RBMS3: variants seen among roughly 807,000 people sequenced by gnomAD.
RBMS3 encodes the protein RNA-binding motif, single-stranded-interacting protein 3.
In RBMS3, 27 loss-of-function variants were observed where a neutral mutation model predicts 66.8. The observed-to-expected ratio is 0.40, with a 90% CI of 0.30 to 0.56. RBMS3 has a LOEUF of 0.56. RBMS3 is among the 20% of genes least tolerant of loss of function. The pLI, the probability that RBMS3 is intolerant of heterozygous loss-of-function variation, is 0.40. For missense variants in RBMS3, 513 were observed against 549.5 expected, an observed-to-expected ratio of 0.93 and a Z score of 0.66; for synonymous variants, 188 against 183.0, an observed-to-expected ratio of 1.03 and a Z score of -0.22.
intron 4 of RBMS3, among the ~76,000 whole-genome samples, chr3:29,592,268 A>C (rs941063827): frequency 2.0e-5 from 3 of 152,118 alleles, no homozygotes; most frequent in African/African-American, 7.2e-5. Context: ...ATATTCCAGT[A>C]GAAGACTTTT....
intron 1 of RBMS3, among the ~76,000 whole-genome samples, chr3:29,427,685 C>T (rs1297708813): frequency 2.0e-5 from 3 of 152,096 alleles, no homozygotes; most frequent in Non-Finnish European, 2.9e-5. Flanking sequence ...CAGGGCTTTA[C>T]CCTTGAGTGG....
intron 3 of RBMS3, among the ~76,000 whole-genome samples, chr3:29,556,127 T>TAA (rs34965385): frequency 9.3e-4 from 140 of 151,278 alleles, no homozygotes; most frequent in Admixed American, 1.4e-3. Flanking sequence ...CAATAAAGTT[T>TAA]AAAAAAAAAG....
chr3:29,376,693 G>C (rs1000239051), intron 1 of RBMS3, among the ~76,000 whole-genome samples: 1 of 152,162 alleles, frequency 6.6e-6, no homozygotes, highest in Non-Finnish European at 1.5e-5. Context: ...GGATCACGAG[G>C]TCAGGAGATG....
chr3:29,946,397 T>C lies in RBMS3; in HGVS notation c.1098+2143T>C, dbSNP rs573141468. 8.6e-5 allele frequency among the ~76,000 whole-genome samples: 13 copies of C among 151,788 alleles called. No homozygotes were observed. In the South Asian group the frequency reaches 2.7e-3, roughly 32 times the overall value. ...ATTGATTGTAGTCGAGATATCTGCTTGACAATTTACAGATACATAACTTAA... is the reference window on the plus strand; with the variant it reads ...ATTGATTGTAGTCGAGATATCTGCTCGACAATTTACAGATACATAACTTAA... On this transcript the variant is annotated intron_variant, in intron 12 of 14. Coordinates refer to ENST00000383767, the MANE Select transcript of RBMS3 (RefSeq NM_001003793.3).
intron 2 of RBMS3, among the ~76,000 whole-genome samples, chr3:29,475,450 G>A (rs2042911241): frequency 6.6e-6 from 1 of 151,968 alleles, no homozygotes; most frequent in South Asian, 2.1e-4. Flanking sequence ...GGGTTTTACT[G>A]TGTTGCTCAG....
chr3:29,651,923 C>A (rs2050157881), intron 4 of RBMS3, among the ~76,000 whole-genome samples: 1 of 152,052 alleles, frequency 6.6e-6, no homozygotes, highest in Non-Finnish European at 1.5e-5. Flanking sequence ...TATTTTTCAG[C>A]CTTTGCAGAA....
intron 3 of RBMS3, among the ~76,000 whole-genome samples, chr3:29,529,072 G>T (rs1035142269): frequency 6.6e-5 from 10 of 152,054 alleles, no homozygotes; most frequent in African/African-American, 2.4e-4. Context: ...TTGTTTTAGT[G>T]GCAGAATAGT....
At chr3:29,315,232 G>A (rs192035935) in intron 1 of RBMS3, among the ~76,000 whole-genome samples, 27 of 151,436 alleles carry the variant, frequency 1.8e-4, no homozygotes, top group Admixed American at 8.6e-4. Flanking sequence ...GATGTTTGTC[G>A]TAGTTTTATT....
At chr3:29,671,822 G>T (rs1307617343) in intron 4 of RBMS3, among the ~76,000 whole-genome samples, 1 of 152,196 alleles carries the variant, frequency 6.6e-6, no homozygotes, top group Middle Eastern at 3.2e-3. Context: ...GTACCTGAAA[G>T]TGACGGGGAG....
At chr3:29,958,913 C>T (rs961569886) in intron 12 of RBMS3, among the ~76,000 whole-genome samples, 3 of 152,090 alleles carry the variant, frequency 2.0e-5, no homozygotes, top group African/African-American at 7.2e-5. Context: ...TTAAATAAAG[C>T]ATGAAAGTTC....
intron 4 of RBMS3, among the ~76,000 whole-genome samples, chr3:29,601,385 G>T (rs889947164): frequency 5.3e-5 from 8 of 151,840 alleles, no homozygotes; most frequent in Non-Finnish European, 1.2e-4. Context: ...ACTCTATTTA[G>T]TAAGCTGTTA....
intron 4 of RBMS3, among the ~76,000 whole-genome samples, chr3:29,669,190 A>T (rs563058504): frequency 2.0e-5 from 3 of 152,322 alleles, no homozygotes; most frequent in African/African-American, 7.2e-5. Context: ...GGAGAGACCA[A>T]AGCTAGACTT....
At chr3:29,723,102 A>T (rs1483410473) in intron 4 of RBMS3, among the ~76,000 whole-genome samples, 1 of 151,890 alleles carries the variant, frequency 6.6e-6, no homozygotes, top group East Asian at 1.9e-4. Context: ...CATCCTCCTG[A>T]ATGGCTGGGA....
intron 3 of RBMS3, among the ~76,000 whole-genome samples, chr3:29,520,940 T>G (rs2044833106): frequency 6.6e-6 from 1 of 152,040 alleles, no homozygotes; most frequent in Non-Finnish European, 1.5e-5. Flanking sequence ...GCCTGTAGAG[T>G]GCTTTCCACG....
chr3:29,922,297 C>T lies in RBMS3; in HGVS notation c.940-13789C>T, dbSNP rs570397707. Among the ~76,000 whole-genome samples, 8 of 151,646 alleles carry T rather than the reference C, an allele frequency of 5.3e-5. 1 individual carries two copies. The East Asian group carries it at 7.8e-4, about 15-fold the overall frequency. ...GGTCAGGAGATCGAGACCATCCTGGCTAACAAGGTGAAACCCCGTCTCTAC... is the reference window on the plus strand; with the variant it reads ...GGTCAGGAGATCGAGACCATCCTGGTTAACAAGGTGAAACCCCGTCTCTAC... On this transcript the variant is annotated intron_variant, in intron 10 of 14. Transcript: ENST00000383767.
At chr3:29,866,929 T>TA (rs2059377962) in intron 6 of RBMS3, among the ~76,000 whole-genome samples, 1 of 152,166 alleles carries the variant, frequency 6.6e-6, no homozygotes, top group Admixed American at 6.5e-5. Flanking sequence ...GCTCTCTCTA[T>TA]ACAGAACTGT....
chr3:29,624,088 A>G (rs548780640), intron 4 of RBMS3, among the ~76,000 whole-genome samples: 8 of 152,206 alleles, frequency 5.3e-5, no homozygotes, highest in Non-Finnish European at 1.2e-4. Flanking sequence ...AAAAACTCAT[A>G]TTTGCGAAGA....
chr3:29,922,418 C>T (rs1370650323), intron 10 of RBMS3, among the ~76,000 whole-genome samples: 5 of 144,548 alleles, frequency 3.5e-5, no homozygotes, highest in South Asian at 2.1e-4. Flanking sequence ...ACCCGGGAAG[C>T]GGAGCTTTCA....
intron 1 of RBMS3, among the ~76,000 whole-genome samples, chr3:29,401,984 G>A (rs944216753): frequency 4.6e-5 from 7 of 152,028 alleles, no homozygotes. Flanking sequence ...GAATGTTAGT[G>A]AAGCTGCCGA....
Sources: gnomAD v4.1 joint callset for allele counts (sites outside exome capture counted in the v4.1 genomes callset) on GRCh38, gnomAD v4.1.1 for gene constraint, MANE v1.5 for transcripts, NCBI Gene and HGNC (gene_info 2026-07-23, HGNC 2026-07-21) for gene names.